The following AZIN1 variants were observed in gnomAD, a reference collection of about 807,000 sequenced individuals.
The protein encoded by AZIN1 is ornithine decarboxylase antizyme inhibitor.
A neutral mutation model predicts 47.4 loss-of-function variants in AZIN1; 12 were observed. That is an observed-to-expected ratio of 0.25 (90% CI 0.16 to 0.41). AZIN1 has a LOEUF of 0.41. Ranked by LOEUF, AZIN1 falls within the 10% of genes least tolerant of loss-of-function variation. AZIN1 has a pLI of 1.00. For synonymous variants in AZIN1, 155 were observed against 176.3 expected, an observed-to-expected ratio of 0.88 and a Z score of 0.96; for missense variants, 410 against 532.4, an observed-to-expected ratio of 0.77 and a Z score of 2.26.
intron 2 of AZIN1, among the ~76,000 whole-genome samples, chr8:102,851,816 C>T (rs1363979482): frequency 6.6e-6 from 1 of 152,138 alleles, no homozygotes; most frequent in Non-Finnish European, 1.5e-5. Flanking sequence ...TGGTTTTATT[C>T]TTCTATGTGA....
Position 102,829,326 on chromosome 8 carries a change from G to A in AZIN1, c.1181C>T (p.Ala394Val). The change falls in exon 11 of 12, where the codon GCT (alanine) becomes GTT (valine). Residue 394 changes from alanine (A) to valine (V), a missense_variant. Physicochemically the swap from Ala to Val is moderately conservative, Grantham distance 64. Around this residue, in one of 3 missense-constraint regions of AZIN1, gnomAD observed 168 missense variants for 198.3 expected, o/e 0.85. Coordinates refer to ENST00000337198, the MANE Select transcript of AZIN1 (RefSeq NM_148174.4). ...MGADSFHEPSAFNDFQRPAIY... is the reference protein window; with the variant it reads ...MGADSFHEPSVFNDFQRPAIY... ...GGCTGGCCTCTGAAAATCATTAAAAGCAGATGGTTCATGGAAAGAATCTGC... is the reference window on the plus strand; with the variant it reads ...GGCTGGCCTCTGAAAATCATTAAAAACAGATGGTTCATGGAAAGAATCTGC... 6.2e-7 allele frequency: 1 copy of A among 1,613,924 alleles called. No homozygotes were observed. The highest frequency in any genetic ancestry group is 8.5e-7 in the Non-Finnish European group (1 of 1,179,870).
At chr8:102,828,808 T>C (rs1308059209) in intron 11 of AZIN1, 130 bp from the exon 12 acceptor site, 1 of 619,230 alleles carries the variant, frequency 1.6e-6, no homozygotes, top group Non-Finnish European at 2.8e-6. Context: ...CATTTTTCTA[T>C]GATAGTCATG....
chr8:102,857,542 A>G (rs751487984), intron 2 of AZIN1, among the ~76,000 whole-genome samples: 8 of 152,108 alleles, frequency 5.3e-5, no homozygotes, highest in Non-Finnish European at 8.8e-5. Context: ...TTAAATATCT[A>G]TATTTTAATA....
At chr8:102,837,335 A>T (rs1811885645) in intron 5 of AZIN1, among the ~76,000 whole-genome samples, 1 of 152,254 alleles carries the variant, frequency 6.6e-6, no homozygotes, top group East Asian at 1.9e-4. Flanking sequence ...AGATGACTAA[A>T]ACTGATTAAA....
At chr8:102,835,818 C>G (rs1586163566) in intron 6 of AZIN1, among the ~76,000 whole-genome samples, 1 of 152,088 alleles carries the variant, frequency 6.6e-6, no homozygotes, top group East Asian at 1.9e-4. Context: ...GTATTTGAAC[C>G]TCTTGGAGTC....
rs561388379 is a variant in AZIN1 at position 102,856,773 on chromosome 8, T to C, written c.-96+1240A>G. Among the ~76,000 whole-genome samples, 6 of 152,320 alleles carry C rather than the reference T, an allele frequency of 3.9e-5. No homozygotes were observed. In the South Asian group the frequency reaches 1.2e-3, roughly 32 times the overall value. On this transcript the variant is annotated intron_variant, in intron 2 of 11. Coordinates refer to ENST00000337198, the MANE Select transcript of AZIN1 (RefSeq NM_148174.4). ...TATGTTGCAAATAGAACAGATGGAC[T>C]AACAAAAATTAGGCAACTGACTTAG...
chr8:102,857,873 A>G, intron 2 of AZIN1, 140 bp downstream of exon 2: 1 of 395,082 alleles, frequency 2.5e-6, no homozygotes, highest in Non-Finnish European at 4.5e-6. Context: ...TAACTGTCTT[A>G]TCTCTATTTC....
rs535851271 is a variant in AZIN1 at position 102,831,610 on chromosome 8, T to TA, written c.904+1445_904+1446insT. On this transcript the variant is annotated intron_variant, in intron 9 of 11. Coordinates refer to ENST00000337198, the MANE Select transcript of AZIN1 (RefSeq NM_148174.4). ...GTGAGCTGAGATCATGCCACTGCAT[T>TA]CCAGCTTGGGCAACAAGAGCAAAAC... Among the ~76,000 whole-genome samples the TA allele has an allele frequency of 4.5e-4, 63 of 141,168 alleles. 2 individuals carry two copies. The South Asian group carries it at 0.014, about 32-fold the overall frequency. 92.6% of individuals were successfully genotyped at this position (141,168 alleles called of 152,430 possible). A position where few individuals can be genotyped will look rare whatever the true frequency, so the allele number is the denominator to read the frequency against.
At chr8:102,856,682 T>C (rs2679755) in intron 2 of AZIN1, among the ~76,000 whole-genome samples, 57,181 of 152,150 alleles carry the variant, frequency 0.38, 11,697 homozygotes, top group South Asian at 0.46. Flanking sequence ...TGATGTTAAC[T>C]TTAACAGATT....
At chr8:102,846,534 T>C (rs1185977527) in intron 2 of AZIN1, among the ~76,000 whole-genome samples, 2 of 152,114 alleles carry the variant, frequency 1.3e-5, no homozygotes, top group Non-Finnish European at 2.9e-5. Flanking sequence ...TACTGAGGAA[T>C]AGAATAATTA....
chr8:102,834,874 A>G, intron 6 of AZIN1, 127 bp from the exon 7 acceptor site: 9 of 637,500 alleles, frequency 1.4e-5, no homozygotes, highest in Middle Eastern at 3.1e-4. Context: ...CCAAATATTT[A>G]AAGTATTAGA....
At chr8:102,847,851 T>TCC (rs1812669680) in intron 2 of AZIN1, among the ~76,000 whole-genome samples, 1 of 152,150 alleles carries the variant, frequency 6.6e-6, no homozygotes, top group Non-Finnish European at 1.5e-5. Context: ...CACCATGGCC[T>TCC]CCCAAAGTGT....
rs941783685 is a variant in AZIN1, at chr8:102,834,605, T to G, written c.666+61A>C. On this transcript the variant is annotated intron_variant, in intron 7 of 11. Transcript: ENST00000337198. Reference sequence around the variant, plus strand: ...ATTCACACAGGCAGAAAATACTTAGTCTTTAACTTAACATCCTGGCTAAAA... The same window carrying G: ...ATTCACACAGGCAGAAAATACTTAGGCTTTAACTTAACATCCTGGCTAAAA... 2.1e-5 allele frequency: 27 copies of G among 1,309,010 alleles called. 1 individual carries two copies. The highest frequency in any genetic ancestry group is 2.8e-5 in the Non-Finnish European group (26 of 920,772). 81.1% of individuals were successfully genotyped at this position (1,309,010 alleles called of 1,614,324 possible).
At chr8:102,843,445 C>A in intron 3 of AZIN1, 106 bp downstream of exon 3, 1 of 919,814 alleles carries the variant, frequency 1.1e-6, no homozygotes, top group South Asian at 1.6e-5. Flanking sequence ...AATCAGATAG[C>A]ATATGAACCA....
intron 2 of AZIN1, among the ~76,000 whole-genome samples, chr8:102,856,505 C>T (rs899161492): frequency 1.3e-5 from 2 of 152,178 alleles, no homozygotes; most frequent in African/African-American, 4.8e-5. Context: ...ACAATAGTCT[C>T]TCAAGTTTCT....
At chr8:102,850,951 A>G (rs1291375324) in intron 2 of AZIN1, among the ~76,000 whole-genome samples, 1 of 152,248 alleles carries the variant, frequency 6.6e-6, no homozygotes, top group Non-Finnish European at 1.5e-5. Flanking sequence ...CTGCCTCACC[A>G]TAAATATTAA....
chr8:102,844,091 G>A (rs938583365), intron 2 of AZIN1, among the ~76,000 whole-genome samples: 1 of 152,164 alleles, frequency 6.6e-6, no homozygotes, highest in African/African-American at 2.4e-5. Context: ...CCCATTTTAA[G>A]AGTAAAGAAA....
At chr8:102,846,155 T>C (rs1351959654) in intron 2 of AZIN1, among the ~76,000 whole-genome samples, 2 of 152,200 alleles carry the variant, frequency 1.3e-5, no homozygotes, top group South Asian at 4.1e-4. Flanking sequence ...GTCTAGCTTT[T>C]AAGTCAGGAT....
chr8:102,856,578 A>T (rs887538999), intron 2 of AZIN1, among the ~76,000 whole-genome samples: 1 of 152,234 alleles, frequency 6.6e-6, no homozygotes, highest in African/African-American at 2.4e-5. Flanking sequence ...AAAGCAAGAG[A>T]CACGAATTAA....
Sources: allele counts gnomAD v4.1 joint callset (sites outside exome capture counted in the v4.1 genomes callset), GRCh38; gene constraint gnomAD v4.1.1; regional missense constraint gnomAD v4.1.1; transcripts MANE v1.5; gene names NCBI Gene and HGNC (gene_info 2026-07-23, HGNC 2026-07-21).